The following ERC1 variants were observed in gnomAD, a reference collection of about 807,000 sequenced individuals.
ERC1 encodes the protein ELKS/RAB6-interacting/CAST family member 1.
A neutral mutation model predicts 132.0 loss-of-function variants in ERC1; 56 were observed. The observed-to-expected ratio is 0.42, with a 90% CI of 0.34 to 0.53. The LOEUF (loss-of-function observed/expected upper bound fraction) is 0.53, where lower values mean the gene tolerates loss of function less well. Ranked by LOEUF, ERC1 falls within the 20% of genes least tolerant of loss-of-function variation. The pLI, the probability that ERC1 is intolerant of heterozygous loss-of-function variation, is 0.03. For missense variants in ERC1, 1,202 were observed against 1,349.9 expected (o/e 0.89, Z 1.72); for synonymous variants, 478 against 476.1 (o/e 1.00, Z -0.05).
At position 1,084,047 on chromosome 12, in the gene ERC1, G is replaced by A. The variant is rs371515960; in HGVS notation, c.1086+467G>A. Among the ~76,000 whole-genome samples the A allele has an allele frequency of 2.6e-5, 4 of 152,300 alleles. No individual in the cohort carries two copies. In the South Asian group the frequency reaches 8.3e-4, roughly 32 times the overall value. On this transcript the variant is annotated intron_variant, in intron 3 of 18. Transcript: ENST00000360905. ...GGATATTTGCCCTGTGGTTTCCATG[G>A]AAACTGTTGCCTTGCTGTAAAAGAT...
rs890953439 is a variant in ERC1 at position 1,183,289 on chromosome 12, T to G, written c.2025T>G (p.Leu675=). The G allele has an allele frequency of 3.8e-6, 6 of 1,558,446 alleles. No individual in the cohort carries two copies. Among genetic ancestry groups the G allele is most frequent in the Non-Finnish European group, 5.2e-6 (6 of 1,146,088 alleles). The change falls in exon 11 of 19, where the codon CTT becomes CTG. Residue 675 remains leucine, a synonymous_variant. Transcript: ENST00000360905. ...TGTGTTCCTTCTTTTAGGCTTCACT[T>G]TTGGATCTGAAAGAGCATGCTTCTT... ...QGDLSEKEAS[L]LDLKEHASSL...
intron 1 of ERC1, among the ~76,000 whole-genome samples, chr12:1,009,545 T>C (rs2154137918): frequency 6.6e-6 from 1 of 152,324 alleles, no homozygotes; most frequent in African/African-American, 2.4e-5. Flanking sequence ...ACAATCTTTC[T>C]CCTTGAAAGG....
chr12:1,179,787 G>C (rs568328521), intron 8 of ERC1, among the ~76,000 whole-genome samples: 19 of 151,956 alleles, frequency 1.3e-4, no homozygotes, highest in Admixed American at 4.6e-4. Context: ...GATTACAGGC[G>C]TGAGCCACCG....
chr12:1,214,564 A>C (rs1048728010), intron 12 of ERC1, among the ~76,000 whole-genome samples: 22 of 152,142 alleles, frequency 1.4e-4, no homozygotes, highest in African/African-American at 5.1e-4. Flanking sequence ...AGTGAAGAAG[A>C]AGCATATTCC....
chr12:1,174,737 G>A (rs1378809861), intron 8 of ERC1, among the ~76,000 whole-genome samples: 1 of 152,198 alleles, frequency 6.6e-6, no homozygotes, highest in African/African-American at 2.4e-5. Context: ...GGTTGGTTCT[G>A]TGAAATTTCA....
Position 1,189,954 on chromosome 12 carries a change from T to C in ERC1, c.2253T>C (p.Ser751=). Residue 751 remains serine (S), a synonymous_variant, in exon 12 of 19, where the codon TCT becomes TCC. Coordinates refer to ENST00000360905, the MANE Select transcript of ERC1 (RefSeq NM_178040.4). ...EREITRYKDE[S]SKAQAEVDRL... The stretch of plus-strand genomic sequence containing the variant: ...AGATCACCAGGTACAAAGATGAATC[T>C]AGCAAGGCCCAGGCAGAAGTTGATC... 1.9e-6 allele frequency: 3 copies of C among 1,614,106 alleles called. No individual in the cohort carries two copies. Among genetic ancestry groups the C allele is most frequent in the Non-Finnish European group, 2.5e-6 (3 of 1,179,996 alleles).
intron 16 of ERC1, among the ~76,000 whole-genome samples, chr12:1,379,882 C>G (rs367954036): frequency 3.9e-5 from 6 of 152,096 alleles, no homozygotes; most frequent in Non-Finnish European, 8.8e-5. Flanking sequence ...CACAGTGATG[C>G]GAATACCTGG....
intron 3 of ERC1, among the ~76,000 whole-genome samples, 183 bp downstream of exon 3, chr12:1,083,763 G>T (rs561172881): frequency 2.6e-5 from 4 of 152,108 alleles, no homozygotes; most frequent in Non-Finnish European, 5.9e-5. Context: ...GGATGACATT[G>T]TCTGGTATGT....
intron 16 of ERC1, among the ~76,000 whole-genome samples, chr12:1,377,155 G>A (rs12320120): frequency 0.41 from 61,682 of 152,028 alleles, 13,763 homozygotes; most frequent in African/African-American, 0.59. Context: ...CTTTCAGTAG[G>A]TGTGGTATGA....
At chr12:1,262,721 T>C (rs1229795051) in intron 13 of ERC1, among the ~76,000 whole-genome samples, 2 of 152,234 alleles carry the variant, frequency 1.3e-5, no homozygotes, top group Admixed American at 1.3e-4. Context: ...AACAACTTTG[T>C]GCTTTTAAGT....
chr12:1,042,657 T>A (rs1028082200), intron 2 of ERC1, among the ~76,000 whole-genome samples: 1 of 152,128 alleles, frequency 6.6e-6, no homozygotes, highest in African/African-American at 2.4e-5. Flanking sequence ...TAATTTTTTT[T>A]TTTTTAAACC....
At chr12:1,345,940 C>T (rs766956) in intron 15 of ERC1, among the ~76,000 whole-genome samples, 67,662 of 151,942 alleles carry the variant, frequency 0.45, 15,773 homozygotes, top group African/African-American at 0.56. Flanking sequence ...TAGCTAGTTA[C>T]GAAATTCTTA....
At position 1,241,467 on chromosome 12, in the gene ERC1, T is replaced by C. The variant is rs574169854; in HGVS notation, c.2487+4563T>C. 1.1e-4 allele frequency among the ~76,000 whole-genome samples: 17 copies of C among 152,000 alleles called. 1 individual carries two copies. The highest frequency in any genetic ancestry group is 7.9e-4 in the Admixed American group (12 of 15,276). The stretch of plus-strand genomic sequence containing the variant: ...TTGAAATTTATTAGATTTTGTTGTT[T>C]AAACATCTTTTCAAAAAAATCTTTT... On this transcript the variant is annotated intron_variant, in intron 13 of 18. Coordinates refer to ENST00000360905, the MANE Select transcript of ERC1 (RefSeq NM_178040.4).
intron 4 of ERC1, among the ~76,000 whole-genome samples, chr12:1,108,142 GTTC>G (rs1422573829): frequency 2.6e-5 from 4 of 152,130 alleles, no homozygotes; most frequent in Admixed American, 6.5e-5. Context: ...TCCTTGGTAG[GTTC>G]TTCTTCTGGT....
chr12:1,369,103 T>TA (rs1298523483), intron 15 of ERC1, among the ~76,000 whole-genome samples: 2 of 152,214 alleles, frequency 1.3e-5, no homozygotes, highest in African/African-American at 2.4e-5. Context: ...TTGAATTGCA[T>TA]AAAAAATACT....
chr12:1,388,433 T>C (rs1273794070), intron 16 of ERC1, among the ~76,000 whole-genome samples: 1 of 151,690 alleles, frequency 6.6e-6, no homozygotes, highest in African/African-American at 2.4e-5. Context: ...CCAGGGTTGC[T>C]GAAGCATGAA....
chr12:1,241,287 T>A (rs993374770), intron 13 of ERC1, among the ~76,000 whole-genome samples: 1 of 152,230 alleles, frequency 6.6e-6, no homozygotes, highest in African/African-American at 2.4e-5. Context: ...TCACATGTAA[T>A]GATCTATTAT....
intron 15 of ERC1, among the ~76,000 whole-genome samples, chr12:1,343,151 A>C (rs975386152): frequency 6.6e-6 from 1 of 152,208 alleles, no homozygotes; most frequent in Non-Finnish European, 1.5e-5. Context: ...CAGGCTTTAC[A>C]GCTCTACTGG....
rs1207471354 is a variant in ERC1, at chr12:1,400,908, ATTTTTGTATTTTTTTTTTTTTT to A, written c.2926-7235_2926-7214del. On this transcript the variant is annotated intron_variant, in intron 16 of 18. Transcript: ENST00000360905. ...CTTCTCATTCAATATTGTTTTGGCTATTTTTGTATTTTTTTTTTTTTTTTTTTTTTTTTTTTTTTTTTTTTGT... is the reference window on the plus strand; with the variant it reads ...CTTCTCATTCAATATTGTTTTGGCTATTTTTTTTTTTTTTTTTTTTTTTGT... Among the ~76,000 whole-genome samples the A allele has an allele frequency of 5.8e-4, 25 of 43,406 alleles. 1 individual carries two copies. The highest frequency in any genetic ancestry group is 2.7e-3 in the South Asian group (4 of 1,476). The allele number at this position is 43,406 out of a possible 152,430, so 28.5% of individuals were successfully genotyped here.
Sources: allele counts gnomAD v4.1 joint callset (sites outside exome capture counted in the v4.1 genomes callset), GRCh38; gene constraint gnomAD v4.1.1; transcripts MANE v1.5; gene names NCBI Gene and HGNC (gene_info 2026-07-23, HGNC 2026-07-21).